TMEM132B: variants seen among roughly 807,000 people sequenced by gnomAD.
The protein encoded by TMEM132B is transmembrane protein 132B.
TMEM132B carries 18 observed loss-of-function variants against 90.8 expected under a neutral mutation model. The observed-to-expected ratio is 0.20, with a 90% CI of 0.14 to 0.29. TMEM132B has a LOEUF of 0.29. Among genes scored for constraint, TMEM132B ranks in the 10% least tolerant of loss-of-function variants. The probability of loss-of-function intolerance (pLI) is 1.00; values close to 1 mark genes in which losing one functional copy is unlikely to be tolerated. For missense variants in TMEM132B, 1,096 were observed against 1,326.8 expected, an observed-to-expected ratio of 0.83 and a Z score of 2.70; for synonymous variants, 504 against 523.3, an observed-to-expected ratio of 0.96 and a Z score of 0.50.
chr12:125,494,175 G>A (rs116390082), intron 3 of TMEM132B, among the ~76,000 whole-genome samples: 7,687 of 90,274 alleles, frequency 0.085, 414 homozygotes, highest in Middle Eastern at 0.16. Context: ...AAATGACCGC[G>A]TCCCTCCTCC....
At chr12:125,623,691 T>C (rs1419321543) in intron 5 of TMEM132B, among the ~76,000 whole-genome samples, 2 of 152,228 alleles carry the variant, frequency 1.3e-5, no homozygotes, top group Non-Finnish European at 2.9e-5. Context: ...CTAATCATTG[T>C]ATTTTACAAT....
chr12:125,473,997 A>G (rs1052957556), intron 3 of TMEM132B, among the ~76,000 whole-genome samples: 1 of 151,616 alleles, frequency 6.6e-6, no homozygotes, highest in African/African-American at 2.4e-5. Flanking sequence ...ACTAATTCCA[A>G]GATTGAGCTC....
chr12:125,625,817 G>A (rs969862145), intron 5 of TMEM132B, among the ~76,000 whole-genome samples: 5 of 152,110 alleles, frequency 3.3e-5, no homozygotes, highest in Admixed American at 6.5e-5. Context: ...ACAACATATG[G>A]TATTGAAATA....
intron 2 of TMEM132B, among the ~76,000 whole-genome samples, chr12:125,383,087 C>T (rs2136288855): frequency 6.6e-6 from 1 of 152,244 alleles, no homozygotes; most frequent in Non-Finnish European, 1.5e-5. Context: ...ACTGTGGTAC[C>T]AGCTGCTGTC....
At position 125,209,426 on chromosome 12, in the gene TMEM132B, G is replaced by A. The variant is rs1873266793; in HGVS notation, c.67+22560G>A. On this transcript the variant is annotated intron_variant, in intron 1 of 8. Coordinates refer to ENST00000682704, the MANE Select transcript of TMEM132B (RefSeq NM_001366854.1). This position sits in a 1 kb window ranked among gnomAD's most constrained non-coding sequence, Gnocchi z 4.4. ...GTGGCTGGTCACTGGGACAGTGCTCGACTGGGGGAAGGGGTTTGGCCCCCT... is the reference window on the plus strand; with the variant it reads ...GTGGCTGGTCACTGGGACAGTGCTCAACTGGGGGAAGGGGTTTGGCCCCCT... 6.6e-6 allele frequency among the ~76,000 whole-genome samples: 1 copy of A among 152,214 alleles called. No homozygotes were observed. Among genetic ancestry groups the A allele is most frequent in the African/African-American group, 2.4e-5 (1 of 41,444 alleles).
chr12:125,550,365 T>C (rs1884195483), intron 4 of TMEM132B, among the ~76,000 whole-genome samples: 1 of 152,234 alleles, frequency 6.6e-6, no homozygotes, highest in East Asian at 1.9e-4. Context: ...TCTGTTTTTT[T>C]TAAACTCATT....
intron 3 of TMEM132B, among the ~76,000 whole-genome samples, chr12:125,504,247 GC>G (rs11312952): frequency 0.1 from 15,334 of 152,238 alleles, 1,257 homozygotes; most frequent in Admixed American, 0.27. Context: ...GACCCAGATG[GC>G]CTTCAGAGTG....
intron 3 of TMEM132B, among the ~76,000 whole-genome samples, chr12:125,485,997 A>C (rs537151323): frequency 6.6e-6 from 1 of 152,318 alleles, no homozygotes; most frequent in African/African-American, 2.4e-5. Flanking sequence ...CCAAGAAAAT[A>C]ATGCATCTCT....
At chr12:125,414,897 G>C (rs1454798446) in intron 2 of TMEM132B, among the ~76,000 whole-genome samples, 1 of 152,176 alleles carries the variant, frequency 6.6e-6, no homozygotes, top group East Asian at 1.9e-4. Flanking sequence ...AACCCAGACT[G>C]TGAACTCTCC....
intron 3 of TMEM132B, among the ~76,000 whole-genome samples, chr12:125,422,824 A>G (rs2650219): frequency 0.033 from 5,073 of 152,300 alleles, 286 homozygotes; most frequent in African/African-American, 0.11. Flanking sequence ...AGCCCTCGGC[A>G]GGAGCACGTT....
chr12:125,566,691 G>A (rs140202747), intron 4 of TMEM132B, among the ~76,000 whole-genome samples: 52 of 152,274 alleles, frequency 3.4e-4, no homozygotes, highest in African/African-American at 1.2e-3. Context: ...GGCTGGATTG[G>A]AATGGCAGGT....
rs545234472 is a variant in TMEM132B, at chr12:125,655,265, T to C, written c.*555T>C. On this transcript the variant is annotated 3_prime_UTR_variant, in exon 9 of 9. Transcript: ENST00000682704. ...CATGAAGAGAAGAAATTTCAGTCTT[T>C]TCCTTGAGCTCTGTTTGATTTACAC... The C allele has an allele frequency of 6.6e-6, 1 of 152,604 alleles. No individual in the cohort carries two copies. The highest frequency in any genetic ancestry group is 1.9e-4 in the East Asian group (1 of 5,186). The allele number at this position is 152,604 out of a possible 1,614,324, so 9.5% of individuals were successfully genotyped here.
intron 1 of TMEM132B, among the ~76,000 whole-genome samples, chr12:125,255,086 T>C (rs1018878296): frequency 2.0e-5 from 3 of 152,182 alleles, no homozygotes; most frequent in Non-Finnish European, 4.4e-5. Context: ...GGGGAGCAGC[T>C]GAGGGAGGGT....
intron 4 of TMEM132B, among the ~76,000 whole-genome samples, chr12:125,527,093 T>A (rs1883489998): frequency 7.5e-6 from 1 of 133,168 alleles, no homozygotes; most frequent in African/African-American, 2.9e-5. Flanking sequence ...CATCCACCCA[T>A]CCACCCTTCC....
chr12:125,504,072 A>AGGAGAATTTCTG (rs1882768454), intron 3 of TMEM132B, among the ~76,000 whole-genome samples: 1 of 152,236 alleles, frequency 6.6e-6, no homozygotes, highest in Non-Finnish European at 1.5e-5. Flanking sequence ...AATTGGTGAC[A>AGGAGAATTTCTG]GGAGAATTTC....
At chr12:125,293,587 T>C (rs1266508666) in intron 1 of TMEM132B, among the ~76,000 whole-genome samples, 1 of 152,222 alleles carries the variant, frequency 6.6e-6, no homozygotes, top group Non-Finnish European at 1.5e-5. Flanking sequence ...CTTAGGATAA[T>C]GGCCTCTAGC....
chr12:125,321,798 A>G (rs530544164), intron 1 of TMEM132B, among the ~76,000 whole-genome samples: 1 of 152,204 alleles, frequency 6.6e-6, no homozygotes, highest in South Asian at 2.1e-4. Flanking sequence ...TTTGCTTAAA[A>G]GTTAAGATAC....
chr12:125,295,532 G>GAC (rs1159159259), intron 1 of TMEM132B, among the ~76,000 whole-genome samples: 3 of 151,624 alleles, frequency 2.0e-5, no homozygotes, highest in African/African-American at 7.3e-5. Flanking sequence ...GAGAGAGAGA[G>GAC]AGAGAGAGAG....
In TMEM132B at chr12:125,350,665, C is replaced by A. The variant is rs528249786; in HGVS notation, c.959+322C>A. The stretch of plus-strand genomic sequence containing the variant: ...CAAGGAGGCCAGCTGCGTCTGCTGG[C>A]TGGCAGTTATCAAAGTTAGGATTTT... On this transcript the variant is annotated intron_variant, in intron 2 of 8. Transcript: ENST00000682704. 2.2e-4 allele frequency among the ~76,000 whole-genome samples: 34 copies of A among 152,308 alleles called. No homozygotes were observed. The South Asian group carries it at 6.8e-3, about 31-fold the overall frequency.
Sources: allele counts gnomAD v4.1 joint callset (sites outside exome capture counted in the v4.1 genomes callset), GRCh38; gene constraint gnomAD v4.1.1; non-coding constraint Gnocchi (gnomAD v3.1); transcripts MANE v1.5; gene names NCBI Gene and HGNC (gene_info 2026-07-23, HGNC 2026-07-21).